TAFA1: variants seen among roughly 807,000 people sequenced by gnomAD.
TAFA1 encodes the protein TAFA chemokine like family member 1.
TAFA1 carries 4 observed loss-of-function variants against 18.5 expected under a neutral mutation model. The observed-to-expected ratio is 0.22, with a 90% confidence interval of 0.11 to 0.49. The LOEUF (loss-of-function observed/expected upper bound fraction) is 0.49. Among genes scored for constraint, TAFA1 ranks in the 20% least tolerant of loss-of-function variants. The pLI is 0.98. For missense variants in TAFA1, 147 were observed against 169.0 expected (o/e 0.87, Z 0.72); for synonymous variants, 56 against 55.2 (o/e 1.01, Z -0.06).
rs546648394 is a variant in TAFA1, at chr3:68,090,096, A to G, written c.118+83352A>G. Among the ~76,000 whole-genome samples, 8 of 152,312 alleles carry G rather than the reference A, an allele frequency of 5.3e-5. No homozygotes were observed. The South Asian group carries it at 1.7e-3, about 32-fold the overall frequency. On this transcript the variant is annotated intron_variant, in intron 2 of 4. Transcript: ENST00000478136. ...ATCACCAAAGATGTGAAGAGCAACT[A>G]ATGTTAGCCAGGCATCCAAATAGCT...
At chr3:68,239,874 G>A (rs1397937028) in intron 2 of TAFA1, among the ~76,000 whole-genome samples, 3 of 152,246 alleles carry the variant, frequency 2.0e-5, no homozygotes, top group East Asian at 3.9e-4. Context: ...TGGTTTTGCT[G>A]GAAGTGAATT....
intron 3 of TAFA1, among the ~76,000 whole-genome samples, chr3:68,522,227 G>A (rs555031337): frequency 2.0e-5 from 3 of 152,202 alleles, no homozygotes; most frequent in South Asian, 2.1e-4. Flanking sequence ...CTGATTTTGT[G>A]TAATGTCTTC....
chr3:68,319,288 T>A (rs1456771559), intron 2 of TAFA1, among the ~76,000 whole-genome samples: 1 of 152,172 alleles, frequency 6.6e-6, no homozygotes. Flanking sequence ...GAGTGAGAAA[T>A]ACAAATCTCT....
rs144227674 is a variant in TAFA1, at chr3:68,286,824, G to A, written c.119-130456G>A. On this transcript the variant is annotated intron_variant, in intron 2 of 4. Coordinates refer to ENST00000478136, the MANE Select transcript of TAFA1 (RefSeq NM_213609.4). ...AAGGGTAAGAGAGAAAACCCGTACG[G>A]GAAATGTGAGAGAAAAACTCTCTAT... Among the ~76,000 whole-genome samples the A allele has an allele frequency of 4.6e-3, 701 of 152,252 alleles. 7 individuals are homozygous for A. The highest frequency in any genetic ancestry group is 0.016 in the African/African-American group (681 of 41,558).
intron 3 of TAFA1, among the ~76,000 whole-genome samples, chr3:68,479,061 T>G (rs972320038): frequency 4.0e-5 from 6 of 150,074 alleles, no homozygotes; most frequent in Admixed American, 2.7e-4. Flanking sequence ...TGAAACCCCA[T>G]CTCTACTAAA....
At chr3:68,395,196 A>T (rs1380869362) in intron 2 of TAFA1, among the ~76,000 whole-genome samples, 1 of 152,000 alleles carries the variant, frequency 6.6e-6, no homozygotes. Flanking sequence ...TGAAAAAAAA[A>T]CTCATCACTG....
intron 2 of TAFA1, among the ~76,000 whole-genome samples, chr3:68,415,641 A>T (rs1387595020): frequency 6.6e-6 from 1 of 152,100 alleles, no homozygotes; most frequent in East Asian, 1.9e-4. Context: ...GATATAAATA[A>T]TATCTAGTCA....
chr3:68,293,981 A>AT (rs2068160783), intron 2 of TAFA1, among the ~76,000 whole-genome samples: 1 of 152,290 alleles, frequency 6.6e-6, no homozygotes. Flanking sequence ...AAGATTTAGG[A>AT]TTTTTTGTTC....
At chr3:68,160,635 A>G (rs2065914206) in intron 2 of TAFA1, among the ~76,000 whole-genome samples, 2 of 152,230 alleles carry the variant, frequency 1.3e-5, no homozygotes, top group African/African-American at 2.4e-5. Flanking sequence ...AACAATTATA[A>G]TAGCACCTAG....
At position 68,521,838 on chromosome 3, in the gene TAFA1, T is replaced by C. The variant is rs114917144; in HGVS notation, c.260-16918T>C. Among the ~76,000 whole-genome samples the C allele has an allele frequency of 4.3e-3, 590 of 136,338 alleles. 1 individual carries two copies. Among genetic ancestry groups the C allele is most frequent in the Middle Eastern group, 0.032 (9 of 278 alleles). 89.4% of individuals were successfully genotyped at this position (136,338 alleles called of 152,430 possible). A position where few individuals can be genotyped will look rare whatever the true frequency, so the allele number is the denominator to read the frequency against. On this transcript the variant is annotated intron_variant, in intron 3 of 4. Coordinates refer to ENST00000478136, the MANE Select transcript of TAFA1 (RefSeq NM_213609.4). ...CAGAAACATAGAAGTGAGTCTGGGTTTTTCTGTGTTTTTTTCTGTTTTTTT... is the reference window on the plus strand; with the variant it reads ...CAGAAACATAGAAGTGAGTCTGGGTCTTTCTGTGTTTTTTTCTGTTTTTTT...
At chr3:68,243,835 A>C (rs981433293) in intron 2 of TAFA1, among the ~76,000 whole-genome samples, 1 of 152,176 alleles carries the variant, frequency 6.6e-6, no homozygotes, top group Non-Finnish European at 1.5e-5. Context: ...TGGTAAGTCC[A>C]TTTTTAATTA....
chr3:68,142,877 T>C (rs2065685903), intron 2 of TAFA1, among the ~76,000 whole-genome samples: 1 of 151,630 alleles, frequency 6.6e-6, no homozygotes. Context: ...AATCTGCTCC[T>C]GTGATTTTCA....
chr3:68,498,453 A>G (rs1230735871), intron 3 of TAFA1, among the ~76,000 whole-genome samples: 1 of 152,194 alleles, frequency 6.6e-6, no homozygotes, highest in Non-Finnish European at 1.5e-5. Context: ...GCTGTGCAAA[A>G]TATGAATACC....
At chr3:68,142,822 C>T (rs931321128) in intron 2 of TAFA1, among the ~76,000 whole-genome samples, 1 of 152,172 alleles carries the variant, frequency 6.6e-6, no homozygotes, top group African/African-American at 2.4e-5. Flanking sequence ...CATAATTAAA[C>T]AGGGTTGCCC....
intron 2 of TAFA1, among the ~76,000 whole-genome samples, chr3:68,364,026 G>T (rs2069522084): frequency 6.6e-6 from 1 of 152,158 alleles, no homozygotes; most frequent in Non-Finnish European, 1.5e-5. Context: ...AGGAATCTCA[G>T]AAATGAAGAT....
chr3:68,195,538 A>G (rs2066400534), intron 2 of TAFA1, among the ~76,000 whole-genome samples: 1 of 151,348 alleles, frequency 6.6e-6, no homozygotes, highest in Non-Finnish European at 1.5e-5. Flanking sequence ...CAAAGTCCAG[A>G]GGCATTTTTG....
At chr3:68,401,101 G>T (rs1049064574) in intron 2 of TAFA1, among the ~76,000 whole-genome samples, 1 of 152,180 alleles carries the variant, frequency 6.6e-6, no homozygotes, top group African/African-American at 2.4e-5. Flanking sequence ...TCACTTCTTG[G>T]TAGAGGCAGA....
At chr3:68,488,793 G>A (rs1250697736) in intron 3 of TAFA1, among the ~76,000 whole-genome samples, 1 of 152,100 alleles carries the variant, frequency 6.6e-6, no homozygotes, top group Non-Finnish European at 1.5e-5. Context: ...AAAGCTGTTG[G>A]TGTTGATTGA....
chr3:68,217,118 C>G (rs1308958095), intron 2 of TAFA1, among the ~76,000 whole-genome samples: 1 of 152,028 alleles, frequency 6.6e-6, no homozygotes, highest in African/African-American at 2.4e-5. Flanking sequence ...ATAGAGAAAC[C>G]TGGCAAAGAT....
Sources: allele counts gnomAD v4.1 joint callset (sites outside exome capture counted in the v4.1 genomes callset), GRCh38; gene constraint gnomAD v4.1.1; transcripts MANE v1.5; gene names NCBI Gene and HGNC (gene_info 2026-07-23, HGNC 2026-07-21).